Variants in PALS2 observed in about 807,000 individuals in gnomAD.
PALS2 encodes protein PALS2.
PALS2 carries 27 observed loss-of-function variants against 61.6 expected under a neutral mutation model. The observed-to-expected ratio is 0.44, with a 90% CI of 0.32 to 0.60. PALS2 has a LOEUF of 0.60. PALS2 is among the 20% of genes least tolerant of loss of function. The pLI, the probability that PALS2 is intolerant of heterozygous loss-of-function variation, is 0.05. For synonymous variants in PALS2, 236 were observed against 218.6 expected (o/e 1.08, Z -0.70); for missense variants, 554 against 639.4 (o/e 0.87, Z 1.44).
At chr7:24,630,092 G>T (rs949270246) in intron 2 of PALS2, among the ~76,000 whole-genome samples, 1 of 152,156 alleles carries the variant, frequency 6.6e-6, no homozygotes, top group Non-Finnish European at 1.5e-5. Context: ...GCCCATCAAT[G>T]ATAGACTGGA....
chr7:24,635,068 A>C (rs1047260311), intron 2 of PALS2, among the ~76,000 whole-genome samples: 1 of 152,170 alleles, frequency 6.6e-6, no homozygotes, highest in Non-Finnish European at 1.5e-5. Flanking sequence ...TTGCAACTCT[A>C]TAAGAATTTT....
rs917931642 is a variant in PALS2 at position 24,649,501 on chromosome 7, G to A, written c.271-111G>A. ...GATATTTGGGAATTTAATACCATGTGCCTTGGAAATTTTTAGTACTCCATT... is the reference window on the plus strand; with the variant it reads ...GATATTTGGGAATTTAATACCATGTACCTTGGAAATTTTTAGTACTCCATT... On this transcript the variant is annotated intron_variant, in intron 3 of 11. Coordinates refer to ENST00000222644, the MANE Select transcript of PALS2 (RefSeq NM_001303037.2). 13 of 885,546 alleles carry A rather than the reference G, an allele frequency of 1.5e-5. No individual in the cohort carries two copies. The African/African-American group carries it at 2.2e-4, about 15-fold the overall frequency. The allele number at this position is 885,546 out of a possible 1,614,324, so 54.9% of individuals were successfully genotyped here.
chr7:24,680,073 A>G (rs1787838398), intron 10 of PALS2, among the ~76,000 whole-genome samples: 1 of 152,142 alleles, frequency 6.6e-6, no homozygotes, highest in South Asian at 2.1e-4. Context: ...ATTAATCAAC[A>G]TTGAGGTTAT....
intron 9 of PALS2, among the ~76,000 whole-genome samples, chr7:24,676,415 A>G (rs1170444099): frequency 6.6e-6 from 1 of 151,786 alleles, no homozygotes; most frequent in African/African-American, 2.4e-5. Context: ...TTTTGTTGCC[A>G]TTGCTTTTGG....
intron 1 of PALS2, among the ~76,000 whole-genome samples, chr7:24,621,980 A>G (rs1784540826): frequency 1.3e-5 from 2 of 152,150 alleles, no homozygotes; most frequent in South Asian, 2.1e-4. Context: ...GTCAGAATCA[A>G]TTGACCATAA....
chr7:24,621,606 G>C (rs564239934), intron 1 of PALS2, among the ~76,000 whole-genome samples: 1 of 151,920 alleles, frequency 6.6e-6, no homozygotes. Flanking sequence ...GAGAAACTAC[G>C]AACAGATCTG....
chr7:24,607,495 ATATATATGTGTATATATATGTG>A, intron 1 of PALS2, among the ~76,000 whole-genome samples: 1 of 151,390 alleles, frequency 6.6e-6, no homozygotes. Flanking sequence ...CACACACATG[ATATATATGTGTATATATATGTG>A]TATATATGTG....
chr7:24,684,885 T>G (rs144552121), intron 11 of PALS2, among the ~76,000 whole-genome samples: 150 of 152,294 alleles, frequency 9.8e-4, no homozygotes, highest in African/African-American at 3.5e-3. Flanking sequence ...ACAATATGAT[T>G]ATTGAAAAGT....
chr7:24,650,667 C>G lies in PALS2; in HGVS notation c.606C>G (p.Thr202=). The G allele has an allele frequency of 6.2e-7, 1 of 1,610,126 alleles. No individual in the cohort carries two copies. Among genetic ancestry groups the G allele is most frequent in the East Asian group, 2.2e-5 (1 of 44,786 alleles). The part of the protein sequence containing the change: ...ELLKNISGSV[T]LKILPSYRDT... Reference sequence around the variant, plus strand: ...TGAAAAATATTAGTGGAAGTGTCACCCTAAAAATCTTACCAAGTTATAGAG... The same window carrying G: ...TGAAAAATATTAGTGGAAGTGTCACGCTAAAAATCTTACCAAGTTATAGAG... Residue 202 remains threonine (T), a synonymous_variant, in exon 5 of 12, where the codon ACC becomes ACG. Transcript: ENST00000222644.
At chr7:24,649,521 T>G (rs1786028938) in intron 3 of PALS2, 91 bp from the exon 4 acceptor site, 2 of 1,206,172 alleles carry the variant, frequency 1.7e-6, no homozygotes, top group Admixed American at 5.9e-5. Context: ...TTTTTAGTAC[T>G]CCATTGGAAT....
At chr7:24,646,335 CTAGT>C (rs1785832377) in intron 3 of PALS2, among the ~76,000 whole-genome samples, 1 of 152,030 alleles carries the variant, frequency 6.6e-6, no homozygotes, top group African/African-American at 2.4e-5. Context: ...CCTTTAATAC[CTAGT>C]TAATTGATAA....
chr7:24,644,415 A>G (rs533008968), intron 3 of PALS2, among the ~76,000 whole-genome samples: 1 of 152,228 alleles, frequency 6.6e-6, no homozygotes, highest in East Asian at 1.9e-4. Context: ...AGCTCCATTC[A>G]TGTTGCCACA....
chr7:24,670,102 G>T (rs957093982), intron 9 of PALS2, among the ~76,000 whole-genome samples: 2 of 152,066 alleles, frequency 1.3e-5, no homozygotes, highest in Non-Finnish European at 2.9e-5. Context: ...GCTGTTTCCT[G>T]CTTTATGCAG....
At chr7:24,598,496 T>G (rs901160810) in intron 1 of PALS2, among the ~76,000 whole-genome samples, 6 of 152,188 alleles carry the variant, frequency 3.9e-5, no homozygotes, top group African/African-American at 1.4e-4. Context: ...TTCATCTATT[T>G]AAAGTGTTCT....
Position 24,693,509 on chromosome 7 carries a change from T to TA in PALS2, c.*5898dup, listed in dbSNP as rs1358744150. 1 of 152,142 alleles carries TA rather than the reference T, an allele frequency of 6.6e-6. No homozygotes were observed. Among genetic ancestry groups the TA allele is most frequent in the Non-Finnish European group, 1.5e-5 (1 of 67,988 alleles). The allele number at this position is 152,142 out of a possible 1,614,324, so 9.4% of individuals were successfully genotyped here. ...AAATGTGTGGTTTTCATCTTATTCT[T>TA]AAATAGGAGAGGTGGACAGTAGTGT... is the stretch of plus-strand genomic sequence containing the variant. On this transcript the variant is annotated 3_prime_UTR_variant, in exon 12 of 12. Coordinates refer to ENST00000222644, the MANE Select transcript of PALS2 (RefSeq NM_001303037.2).
At position 24,691,749 on chromosome 7, in the gene PALS2, T is replaced by C. The variant is rs1471279177; in HGVS notation, c.*4135T>C. ...GGAAATTCTTATTTAAACTTTTGAA[T>C]GAATCTTTAATATGATTCAGGCTGA... On this transcript the variant is annotated 3_prime_UTR_variant, in exon 12 of 12. Transcript: ENST00000222644. The C allele has an allele frequency of 1.3e-5, 2 of 152,066 alleles. No individual in the cohort carries two copies. Among genetic ancestry groups the C allele is most frequent in the Non-Finnish European group, 2.9e-5 (2 of 67,948 alleles). 9.4% of individuals were successfully genotyped at this position (152,066 alleles called of 1,614,324 possible).
At chr7:24,576,248 A>T (rs1045586627) in intron 1 of PALS2, among the ~76,000 whole-genome samples, 1 of 152,092 alleles carries the variant, frequency 6.6e-6, no homozygotes, top group African/African-American at 2.4e-5. Flanking sequence ...TAAAGATTTT[A>T]TTTTTTTGTT....
At chr7:24,683,068 A>T (rs796584664) in intron 11 of PALS2, among the ~76,000 whole-genome samples, 12 of 152,314 alleles carry the variant, frequency 7.9e-5, no homozygotes, top group African/African-American at 2.9e-4. Flanking sequence ...AGAAGTTGTT[A>T]GCCTGATCTA....
intron 3 of PALS2, 89 bp from the exon 4 acceptor site, chr7:24,649,523 C>A: frequency 8.0e-7 from 1 of 1,247,048 alleles, no homozygotes; most frequent in Non-Finnish European, 1.1e-6. Context: ...TTTAGTACTC[C>A]ATTGGAATAA....
Sources: allele counts gnomAD v4.1 joint callset (sites outside exome capture counted in the v4.1 genomes callset), GRCh38; gene constraint gnomAD v4.1.1; transcripts MANE v1.5; gene names NCBI Gene and HGNC (gene_info 2026-07-23, HGNC 2026-07-21).